Variants in PTPRG observed in about 807,000 individuals in gnomAD.
PTPRG encodes receptor-type tyrosine-protein phosphatase gamma.
A neutral mutation model predicts 165.3 loss-of-function variants in PTPRG; 102 were observed. The observed-to-expected ratio is 0.62, with a 90% confidence interval of 0.53 to 0.73. The LOEUF is 0.73. Among genes scored for constraint, PTPRG ranks in the 30% least tolerant of loss-of-function variants. The pLI, the probability that PTPRG is intolerant of heterozygous loss-of-function variation, is 0.00. For synonymous variants in PTPRG, 675 were observed against 669.5 expected (o/e 1.01, Z -0.13); for missense variants, 1,866 against 1,861.4 (o/e 1.00, Z -0.05).
chr3:61,657,225 TCA>T (rs572706679), intron 1 of PTPRG, among the ~76,000 whole-genome samples: 45 of 152,134 alleles, frequency 3.0e-4, no homozygotes, highest in Non-Finnish European at 6.2e-4. Context: ...TCTTGGTGTC[TCA>T]CAGAAATAAG....
At chr3:61,598,058 C>G (rs1037083269) in intron 1 of PTPRG, among the ~76,000 whole-genome samples, 1 of 152,130 alleles carries the variant, frequency 6.6e-6, no homozygotes, top group Admixed American at 6.5e-5. Context: ...TTTGAACATG[C>G]TTGTTTTGAA....
At chr3:62,132,716 G>C in intron 6 of PTPRG, 48 bp downstream of exon 6, 1 of 1,459,852 alleles carries the variant, frequency 6.9e-7, no homozygotes, top group Non-Finnish European at 9.6e-7. Context: ...GAAGGGCTCA[G>C]ATCTCTACCT....
At chr3:61,947,045 C>T (rs1210070521) in intron 2 of PTPRG, among the ~76,000 whole-genome samples, 2 of 152,134 alleles carry the variant, frequency 1.3e-5, no homozygotes, top group African/African-American at 4.8e-5. Context: ...CGATGTAATC[C>T]TTTATAGAAA....
intron 2 of PTPRG, among the ~76,000 whole-genome samples, chr3:61,870,463 C>G (rs2037534543): frequency 8.2e-6 from 1 of 122,496 alleles, no homozygotes; most frequent in Non-Finnish European, 1.6e-5. Flanking sequence ...CAGGCATGAA[C>G]TACCACACCT....
intron 1 of PTPRG, among the ~76,000 whole-genome samples, chr3:61,701,315 C>A (rs2106705192): frequency 6.6e-6 from 1 of 152,266 alleles, no homozygotes; most frequent in South Asian, 2.1e-4. Flanking sequence ...AGGTATCTGA[C>A]AACTCCTCAA....
intron 2 of PTPRG, among the ~76,000 whole-genome samples, chr3:61,961,542 C>T (rs1473160729): frequency 2.0e-5 from 3 of 152,182 alleles, no homozygotes; most frequent in Non-Finnish European, 4.4e-5. Context: ...AGTTTAGGCA[C>T]ATCATTCCTC....
Position 61,562,338 on chromosome 3 carries a change from C to G in PTPRG, c.51C>G (p.Thr17=), listed in dbSNP as rs556669186. Residue 17 remains threonine (T), a synonymous_variant, in exon 1 of 30, where the codon ACC becomes ACG. Coordinates refer to ENST00000474889, the MANE Select transcript of PTPRG (RefSeq NM_002841.4). ...PCWWILFLKI[T]SSVLHYVVCF... ...GGTGGATTTTGTTCCTGAAAATCAC[C>G]AGTTCCGTGCTCCATTATGTCGTGT... 1.2e-6 allele frequency: 2 copies of G among 1,613,720 alleles called. No individual in the cohort carries two copies. The highest frequency in any genetic ancestry group is 1.3e-5 in the African/African-American group (1 of 75,034).
At chr3:62,177,487 C>T (rs553324148) in intron 8 of PTPRG, among the ~76,000 whole-genome samples, 1 of 152,144 alleles carries the variant, frequency 6.6e-6, no homozygotes, top group African/African-American at 2.4e-5. Context: ...CATTGGAGAA[C>T]GTATTTCAGA....
chr3:61,969,755 AC>A (rs2040343866), intron 2 of PTPRG, among the ~76,000 whole-genome samples: 1 of 152,140 alleles, frequency 6.6e-6, no homozygotes, highest in South Asian at 2.1e-4. Flanking sequence ...CATATGTCCA[AC>A]CTGGGGAGCG....
At chr3:62,262,481 A>C (rs1701729663) in intron 16 of PTPRG, 1 of 194,648 alleles carries the variant, frequency 5.1e-6, no homozygotes, top group Admixed American at 6.0e-5. Context: ...ATCATGTTTG[A>C]CTATCTTTTT....
intron 6 of PTPRG, among the ~76,000 whole-genome samples, chr3:62,149,129 G>A (rs1377542105): frequency 2.0e-5 from 3 of 152,154 alleles, no homozygotes; most frequent in African/African-American, 4.8e-5. Flanking sequence ...TTCCCATGCT[G>A]TCATTCCCAT....
At chr3:61,739,265 GT>G (rs554162180) in intron 1 of PTPRG, 5 of 152,010 alleles carry the variant, frequency 3.3e-5, no homozygotes, top group Non-Finnish European at 7.4e-5. Flanking sequence ...AGTTTGTGTA[GT>G]TGTAATTGGA....
At chr3:61,685,816 G>A (rs1406927854) in intron 1 of PTPRG, among the ~76,000 whole-genome samples, 2 of 152,210 alleles carry the variant, frequency 1.3e-5, no homozygotes, top group Non-Finnish European at 2.9e-5. Context: ...AATGTATCCT[G>A]TTAGTCTCTG....
intron 9 of PTPRG, among the ~76,000 whole-genome samples, chr3:62,192,306 G>A (rs1405609519): frequency 1.4e-5 from 2 of 141,738 alleles, no homozygotes; most frequent in Admixed American, 1.4e-4. Context: ...TTACATAAAT[G>A]TTTAGTGTCC....
At chr3:62,280,585 A>G (rs1262445790) in intron 26 of PTPRG, among the ~76,000 whole-genome samples, 2 of 151,986 alleles carry the variant, frequency 1.3e-5, no homozygotes, top group Admixed American at 1.3e-4. Flanking sequence ...GAGGATAACA[A>G]AGAAAACTCT....
chr3:62,106,044 G>A (rs1231166618), intron 5 of PTPRG, among the ~76,000 whole-genome samples: 1 of 152,096 alleles, frequency 6.6e-6, no homozygotes, highest in Non-Finnish European at 1.5e-5. Context: ...GATCTTTATA[G>A]TCATCATCTA....
At chr3:61,846,740 C>T (rs1264005641) in intron 2 of PTPRG, among the ~76,000 whole-genome samples, 2 of 152,148 alleles carry the variant, frequency 1.3e-5, no homozygotes, top group East Asian at 3.8e-4. Flanking sequence ...CATGGCAAAA[C>T]CCCGTCTCTA....
At chr3:61,941,897 G>A (rs2039639606) in intron 2 of PTPRG, among the ~76,000 whole-genome samples, 2 of 151,372 alleles carry the variant, frequency 1.3e-5, no homozygotes, top group Non-Finnish European at 2.9e-5. Context: ...GGTGGCTCAT[G>A]CCTGTAATCC....
At chr3:61,752,127 G>A (rs558835630) in intron 2 of PTPRG, among the ~76,000 whole-genome samples, 12 of 152,204 alleles carry the variant, frequency 7.9e-5, no homozygotes, top group East Asian at 1.9e-4. Flanking sequence ...CACAAGTGTC[G>A]CGATTGACAG....
Sources: allele counts gnomAD v4.1 joint callset (sites outside exome capture counted in the v4.1 genomes callset), GRCh38; gene constraint gnomAD v4.1.1; transcripts MANE v1.5; gene names NCBI Gene and HGNC (gene_info 2026-07-23, HGNC 2026-07-21).